TSHR: variants seen among roughly 807,000 people sequenced by gnomAD.
TSHR encodes thyroid stimulating hormone receptor.
Under a neutral mutation model 64.1 loss-of-function variants are expected in TSHR, and 51 were observed. The ratio of observed to expected loss-of-function variants is 0.80; its 90% CI spans 0.64 to 1.01. The LOEUF (loss-of-function observed/expected upper bound fraction) is 1.01, where lower values mean the gene tolerates loss of function less well. TSHR is among the 50% of genes least tolerant of loss of function. The pLI is 0.00. For synonymous variants in TSHR, 361 were observed against 361.9 expected, an observed-to-expected ratio of 1.00 and a Z score of 0.03; for missense variants, 877 against 942.8, an observed-to-expected ratio of 0.93 and a Z score of 0.91.
intron 1 of TSHR, chr14:81,049,355 T>G (rs1309238505): frequency 5.3e-5 from 8 of 152,228 alleles, no homozygotes; most frequent in Non-Finnish European, 1.0e-4. Flanking sequence ...GGAAGGAATC[T>G]GTCTATGGTT....
In TSHR at chr14:81,122,020, C is replaced by CTTTTTTTTTTTTTTTTTTTTTTTTTT. The variant is rs1161879777; in HGVS notation, c.692+13584_692+13609dup. On this transcript the variant is annotated intron_variant, in intron 8 of 9. Coordinates refer to ENST00000298171, the MANE Select transcript of TSHR (RefSeq NM_000369.5). The stretch of plus-strand genomic sequence containing the variant: ...CTGGTTTGAGATGTGTTTTCTTTTC[C>CTTTTTTTTTTTTTTTTTTTTTTTTTT]TTTTTTTTTTTTTTTTTTTTTTTTT... Among the ~76,000 whole-genome samples the CTTTTTTTTTTTTTTTTTTTTTTTTTT allele has an allele frequency of 4.5e-5, 2 of 44,904 alleles. 1 individual carries two copies. The highest frequency in any genetic ancestry group is 1.7e-4 in the African/African-American group (2 of 12,120). 29.5% of individuals were successfully genotyped at this position (44,904 alleles called of 152,430 possible).
intron 1 of TSHR, among the ~76,000 whole-genome samples, chr14:81,018,465 T>C (rs1883545760): frequency 6.6e-6 from 1 of 152,236 alleles, no homozygotes; most frequent in Non-Finnish European, 1.5e-5. Flanking sequence ...CAAGTAATTT[T>C]GAAACACAGT....
chr14:81,125,971 A>C (rs114730077), intron 8 of TSHR, among the ~76,000 whole-genome samples: 3,867 of 152,128 alleles, frequency 0.025, 159 homozygotes, highest in African/African-American at 0.088. Context: ...AATGGTGTGC[A>C]TGCTGACTTC....
intron 3 of TSHR, among the ~76,000 whole-genome samples, chr14:81,076,239 T>C (rs1014109383): frequency 4.6e-5 from 7 of 152,172 alleles, no homozygotes; most frequent in African/African-American, 1.4e-4. Context: ...ACAATCCTGG[T>C]TGGACTCCTA....
intron 4 of TSHR, among the ~76,000 whole-genome samples, chr14:81,089,432 A>G (rs1019576377): frequency 6.6e-6 from 1 of 152,218 alleles, no homozygotes; most frequent in Non-Finnish European, 1.5e-5. Flanking sequence ...CTGAGTTTCA[A>G]ATAATACAAT....
chr14:81,101,509 T>G (rs746123771), intron 7 of TSHR, among the ~76,000 whole-genome samples: 41 of 152,230 alleles, frequency 2.7e-4, no homozygotes, highest in Non-Finnish European at 5.6e-4. Flanking sequence ...ACCAAAATGC[T>G]TCTAATGTTA....
chr14:81,089,234 C>A lies in TSHR; in HGVS notation c.392+1206C>A, dbSNP rs560716642. 3.2e-4 allele frequency among the ~76,000 whole-genome samples: 49 copies of A among 152,110 alleles called. 1 individual carries two copies. The highest frequency in any genetic ancestry group is 2.9e-3 in the Admixed American group (45 of 15,278). On this transcript the variant is annotated intron_variant, in intron 4 of 9. Coordinates refer to ENST00000298171, the MANE Select transcript of TSHR (RefSeq NM_000369.5). The stretch of plus-strand genomic sequence containing the variant: ...AACTCCTGACCTCAGGTGATCCACC[C>A]GCCTCAGCCTCCCAAAGTGCTGGGA...
intron 1 of TSHR, among the ~76,000 whole-genome samples, chr14:80,996,257 G>A (rs1889016508): frequency 6.6e-6 from 1 of 152,096 alleles, no homozygotes; most frequent in Non-Finnish European, 1.5e-5. Flanking sequence ...CAGAGTCCCA[G>A]CACAAACCTA....
At chr14:81,124,584 A>C (rs1360361658) in intron 8 of TSHR, among the ~76,000 whole-genome samples, 2 of 152,098 alleles carry the variant, frequency 1.3e-5, no homozygotes, top group African/African-American at 2.4e-5. Context: ...TTATATCTCT[A>C]TATATATGTC....
intron 1 of TSHR, among the ~76,000 whole-genome samples, chr14:81,017,109 C>T (rs1883452771): frequency 1.3e-5 from 2 of 152,188 alleles, no homozygotes. Context: ...TTTTTGCAAT[C>T]AGACCTTGCA....
intron 8 of TSHR, among the ~76,000 whole-genome samples, chr14:81,132,785 T>C (rs1455447077): frequency 2.0e-5 from 3 of 152,080 alleles, no homozygotes; most frequent in Non-Finnish European, 4.4e-5. Context: ...TCTATCCATA[T>C]GGCTACATCC....
chr14:81,054,875 G>C lies in TSHR; in HGVS notation c.171-7273G>C, dbSNP rs141179991. 1.7e-3 allele frequency among the ~76,000 whole-genome samples: 260 copies of C among 152,230 alleles called. 1 individual carries two copies. The highest frequency in any genetic ancestry group is 0.01 in the Middle Eastern group (3 of 294). On this transcript the variant is annotated intron_variant, in intron 1 of 9. Transcript: ENST00000298171. ...AAATTCACAGCCTGACAATGCAACA[G>C]AAAAGAAAATCCCATTTTCTGAGGA...
At chr14:81,140,761 A>T (rs1331270183) in intron 9 of TSHR, among the ~76,000 whole-genome samples, 1 of 152,174 alleles carries the variant, frequency 6.6e-6, no homozygotes, top group Non-Finnish European at 1.5e-5. Flanking sequence ...CTACACACAT[A>T]ATTGCAGTCA....
intron 1 of TSHR, among the ~76,000 whole-genome samples, chr14:80,960,697 G>A (rs1886974301): frequency 6.6e-6 from 1 of 152,166 alleles, no homozygotes; most frequent in African/African-American, 2.4e-5. Flanking sequence ...CAAGGTTTCT[G>A]ATGATAAGTA....
intron 7 of TSHR, chr14:81,102,667 A>G (rs1469198331): frequency 2.0e-6 from 1 of 490,882 alleles, no homozygotes; most frequent in Admixed American, 6.4e-5. Context: ...GACAATATAT[A>G]AACAAATGAG....
rs534553366 is a variant in TSHR, at chr14:81,053,920, A to G, written c.171-8228A>G. ...TCTCAGAAACATTATGTTGAATAAA[A>G]GAAGCAAGGCAGAAAAGTGGCTAAT... On this transcript the variant is annotated intron_variant, in intron 1 of 9. Transcript: ENST00000298171. The G allele has an allele frequency of 3.2e-4, 48 of 152,364 alleles. 1 individual carries two copies. The highest frequency in any genetic ancestry group is 1.1e-3 in the African/African-American group (47 of 41,588). The allele number at this position is 152,364 out of a possible 1,614,324, so 9.4% of individuals were successfully genotyped here. A position where few individuals can be genotyped will look rare whatever the true frequency, so the allele number is the denominator to read the frequency against.
intron 3 of TSHR, among the ~76,000 whole-genome samples, chr14:81,076,012 G>A (rs1352443125): frequency 6.6e-6 from 1 of 151,976 alleles, no homozygotes; most frequent in East Asian, 1.9e-4. Flanking sequence ...GGATGAAATT[G>A]GAAATCATCA....
At chr14:81,121,571 G>A (rs187885423) in intron 8 of TSHR, among the ~76,000 whole-genome samples, 1 of 152,128 alleles carries the variant, frequency 6.6e-6, no homozygotes, top group African/African-American at 2.4e-5. Context: ...ACAAAGGGAG[G>A]TCTGAGGAAT....
intron 1 of TSHR, among the ~76,000 whole-genome samples, chr14:80,995,849 AAG>A (rs1257072598): frequency 6.6e-6 from 1 of 151,902 alleles, no homozygotes; most frequent in Non-Finnish European, 1.5e-5. Context: ...AAAAAAAAAA[AAG>A]AATAAAGGGT....
Sources: gnomAD v4.1 joint callset for allele counts (sites outside exome capture counted in the v4.1 genomes callset) on GRCh38, gnomAD v4.1.1 for gene constraint, MANE v1.5 for transcripts, NCBI Gene and HGNC (gene_info 2026-07-23, HGNC 2026-07-21) for gene names.